Variants in FAAH2 observed in about 807,000 individuals in gnomAD.
The protein encoded by FAAH2 is fatty acid amide hydrolase 2, also known as fatty-acid amide hydrolase 2.
In FAAH2, 60 loss-of-function variants were observed where a neutral mutation model predicts 36.9. That is an observed-to-expected ratio of 1.63 (90% CI 1.32 to 2.02). The LOEUF (loss-of-function observed/expected upper bound fraction) is 2.02, where lower values mean the gene tolerates loss of function less well. Ranked by LOEUF, FAAH2 falls within the 30% of genes most tolerant of loss-of-function variation. FAAH2 has a pLI of 0.00. For missense variants in FAAH2, 689 were observed against 397.5 expected (o/e 1.73, Z -6.23); for synonymous variants, 214 against 143.8 (o/e 1.49, Z -3.49).
Position 57,431,965 on chromosome X carries a change from T to A in FAAH2, c.1044T>A (p.Val348=). The change falls in exon 8 of 11, where the codon GTT becomes GTA. Residue 348 remains valine, a synonymous_variant. Transcript: ENST00000374900. ...TTCTAGGAGCCTCAGTTCAACATGT[T>A]AAACTGAAGAAAATGAAGTACTCTT... is the stretch of plus-strand genomic sequence containing the variant. ...ETILGASVQH[V]KLKKMKYSFQ... 3.3e-6 allele frequency: 4 copies of A among 1,206,742 alleles called. No individual in the cohort carries two copies. Among genetic ancestry groups the A allele is most frequent in the Non-Finnish European group, 4.5e-6 (4 of 892,567 alleles).
At chrX:57,458,500 A>C (rs5915031) in intron 10 of FAAH2, among the ~76,000 whole-genome samples, 39,734 of 109,890 alleles carry the variant, frequency 0.36, 6,204 homozygotes, top group Middle Eastern at 0.62. Context: ...CCAAAAAAAA[A>C]CAAAAAAATC....
chrX:57,175,245 T>C, the FAAH2 span, among the ~76,000 whole-genome samples: 38 of 111,652 alleles, frequency 3.4e-4, no homozygotes, highest in African/African-American at 1.2e-3. Flanking sequence ...TTTATGAACC[T>C]AGGAGCTCCA....
At chrX:57,210,263 A>G in the FAAH2 span, among the ~76,000 whole-genome samples, 1 of 111,353 alleles carries the variant, frequency 9.0e-6, no homozygotes, top group South Asian at 3.8e-4. Context: ...CCAAGTCCCA[A>G]CTCATATTTT....
chrX:57,483,507 A>G (rs1464612179), intron 10 of FAAH2, among the ~76,000 whole-genome samples: 1 of 110,519 alleles, frequency 9.0e-6, no homozygotes, highest in Non-Finnish European at 1.9e-5. Flanking sequence ...TTTATCTGTC[A>G]TTTCTGAGTT....
chrX:57,477,597 G>A (rs1394339537), intron 10 of FAAH2, among the ~76,000 whole-genome samples: 5 of 109,831 alleles, frequency 4.6e-5, no homozygotes, highest in Non-Finnish European at 9.5e-5. Flanking sequence ...CCATTAACTC[G>A]TCATTTGCAT....
Position 57,341,380 on chromosome X carries a change from G to A in FAAH2, c.732G>A (p.Lys244=). Residue 244 remains lysine (K), a synonymous_variant, in exon 5 of 11, where the codon AAG becomes AAA. Transcript: ENST00000374900. ...PAFFNGIFGH[K]PSPGVVPNKG... The stretch of plus-strand genomic sequence containing the variant: ...TCTTCAATGGTATATTTGGACACAA[G>A]CCTTCTCCAGGTAATGTTAATATGA... 8.3e-7 allele frequency: 1 copy of A among 1,208,232 alleles called. No individual in the cohort carries two copies. Among genetic ancestry groups the A allele is most frequent in the Non-Finnish European group, 1.1e-6 (1 of 893,849 alleles).
chrX:57,221,172 G>A, the FAAH2 span, among the ~76,000 whole-genome samples: 1 of 110,170 alleles, frequency 9.1e-6, no homozygotes, highest in African/African-American at 3.3e-5. Flanking sequence ...TCTTAGTCCT[G>A]CCCTCATGCC....
intron 8 of FAAH2, among the ~76,000 whole-genome samples, chrX:57,435,638 A>G (rs1416618931): frequency 9.0e-6 from 1 of 110,901 alleles, no homozygotes; most frequent in South Asian, 3.8e-4. Context: ...ATGCAACAGG[A>G]GGATATAACA....
intron 8 of FAAH2, among the ~76,000 whole-genome samples, chrX:57,441,248 T>C (rs1392772498): frequency 9.0e-6 from 1 of 111,291 alleles, no homozygotes; most frequent in African/African-American, 3.3e-5. Context: ...ATTTTTTTTG[T>C]TGGTAGGCTA....
intron 7 of FAAH2, among the ~76,000 whole-genome samples, chrX:57,425,553 G>C (rs997410099): frequency 9.0e-6 from 1 of 111,427 alleles, no homozygotes; most frequent in African/African-American, 3.3e-5. Flanking sequence ...AGAAATTGAA[G>C]TTCTATTTCT....
the FAAH2 span, among the ~76,000 whole-genome samples, chrX:57,161,605 C>T: frequency 5.4e-5 from 6 of 111,528 alleles, no homozygotes; most frequent in South Asian, 3.8e-4. Context: ...ATCCCTTTAC[C>T]GTTATGTAAT....
chrX:57,429,140 C>T (rs758766499), intron 7 of FAAH2, among the ~76,000 whole-genome samples: 24 of 109,547 alleles, frequency 2.2e-4, no homozygotes, highest in African/African-American at 1.7e-4. Flanking sequence ...TCGAGACCAC[C>T]GTGGCCAACA....
chrX:57,245,253 G>A, the FAAH2 span, among the ~76,000 whole-genome samples: 1,722 of 111,487 alleles, frequency 0.015, 16 homozygotes, highest in Non-Finnish European at 0.025. Flanking sequence ...GACCTACAAA[G>A]AAACTTAGAC....
chrX:57,417,312 G>A (rs2055870138), intron 7 of FAAH2, among the ~76,000 whole-genome samples: 2 of 111,980 alleles, frequency 1.8e-5, no homozygotes, highest in South Asian at 3.7e-4. Context: ...CAGTGTTCTG[G>A]TTTTTGGAAT....
chrX:57,197,532 G>A, the FAAH2 span, among the ~76,000 whole-genome samples: 2 of 85,317 alleles, frequency 2.3e-5, no homozygotes, highest in African/African-American at 1.4e-4. Flanking sequence ...CTCAAGGGCT[G>A]CTATTCAGAT....
chrX:57,429,117 C>G (rs1000439408), intron 7 of FAAH2, among the ~76,000 whole-genome samples: 1 of 110,070 alleles, frequency 9.1e-6, no homozygotes, highest in African/African-American at 3.3e-5. Context: ...GGGCGGATCA[C>G]GAGGTCAGGA....
At chrX:57,446,030 T>A (rs2056666831) in intron 8 of FAAH2, among the ~76,000 whole-genome samples, 1 of 112,556 alleles carries the variant, frequency 8.9e-6, no homozygotes, top group African/African-American at 3.2e-5. Context: ...CATTCAGAAC[T>A]GCTCTAAATG....
the FAAH2 span, among the ~76,000 whole-genome samples, chrX:57,231,262 C>A: frequency 1.8e-5 from 2 of 110,782 alleles, no homozygotes; most frequent in African/African-American, 3.3e-5. Context: ...CAAAACTACC[C>A]ACTCTTGGTA....
intron 2 of FAAH2, among the ~76,000 whole-genome samples, chrX:57,295,128 C>T (rs2052097508): frequency 9.0e-6 from 1 of 111,656 alleles, no homozygotes; most frequent in South Asian, 3.8e-4. Context: ...GCTTCTACCT[C>T]AGAAACTTTG....
Sources: gnomAD v4.1 joint callset for allele counts (sites outside exome capture counted in the v4.1 genomes callset) on GRCh38, gnomAD v4.1.1 for gene constraint, MANE v1.5 for transcripts, NCBI Gene and HGNC (gene_info 2026-07-23, HGNC 2026-07-21) for gene names.